Variants in AZIN2 observed in about 807,000 individuals in gnomAD.
The protein encoded by AZIN2 is ODC antizyme inhibitor-2.
In AZIN2, 28 loss-of-function variants were observed where a neutral mutation model predicts 47.8. The observed-to-expected ratio is 0.59, with a 90% confidence interval of 0.43 to 0.80. The LOEUF is 0.80. Among genes scored for constraint, AZIN2 ranks in the 30% least tolerant of loss-of-function variants. The pLI, the probability that AZIN2 is intolerant of heterozygous loss-of-function variation, is 0.00. For missense variants in AZIN2, 535 were observed against 582.5 expected, an observed-to-expected ratio of 0.92 and a Z score of 0.84; for synonymous variants, 221 against 239.4, an observed-to-expected ratio of 0.92 and a Z score of 0.71.
At chr1:33,126,000 TCAAA>T (rs1355252704), downstream of AZIN2, among the ~76,000 whole-genome samples, 4 of 152,130 alleles carry the variant, frequency 2.6e-5, no homozygotes, top group African/African-American at 7.2e-5. Flanking sequence ...CATCTCTAAA[TCAAA>T]CAAACAAAAA....
At chr1:33,083,699 G>A (rs1641544306) in intron 4 of AZIN2, 2 of 535,626 alleles carry the variant, frequency 3.7e-6, no homozygotes, top group African/African-American at 1.9e-5. Flanking sequence ...GTTTGAAGGT[G>A]GGAAAATGAT....
Position 33,084,159 on chromosome 1 carries a change from C to T in AZIN2, c.279+32C>T, listed in dbSNP as rs145663948. 1.0e-3 allele frequency: 1,596 copies of T among 1,601,824 alleles called. 4 individuals carry two copies. The highest frequency in any genetic ancestry group is 1.7e-3 in the Admixed American group (102 of 59,972). ...CCTGCCCGCACGGTGCACTGACCCT[C>T]CATGCCCACTGAACACACACATGGC... On this transcript the variant is annotated intron_variant, in intron 5 of 11. Coordinates refer to ENST00000294517, the MANE Select transcript of AZIN2 (RefSeq NM_052998.4).
chr1:33,159,246 C>T, the AZIN2 span, among the ~76,000 whole-genome samples: 4 of 151,508 alleles, frequency 2.6e-5, no homozygotes, highest in Admixed American at 1.3e-4. This position sits in a 1 kb window ranked among gnomAD's most constrained non-coding sequence, Gnocchi z 4.2. Flanking sequence ...TATAGTAACA[C>T]GTAATGCCAA....
At chr1:33,085,254 TAAAG>T (rs989293536) in intron 5 of AZIN2, among the ~76,000 whole-genome samples, 6 of 148,328 alleles carry the variant, frequency 4.0e-5, no homozygotes, top group African/African-American at 1.5e-4. Context: ...AAAGATGAAA[TAAAG>T]AAAATATTTA....
At chr1:33,109,614 T>C (rs78077336) in intron 10 of AZIN2, among the ~76,000 whole-genome samples, 2,897 of 152,076 alleles carry the variant, frequency 0.019, 76 homozygotes, top group East Asian at 0.08. Flanking sequence ...CAGGTGTGAG[T>C]CACCACGCCT....
chr1:33,140,634 A>G, the AZIN2 span, among the ~76,000 whole-genome samples: 3 of 152,232 alleles, frequency 2.0e-5, no homozygotes, highest in Non-Finnish European at 2.9e-5. This position sits in a 1 kb window ranked among gnomAD's most constrained non-coding sequence, Gnocchi z 4.0. Context: ...CATCAGTCCC[A>G]ATGCTTTCAC....
At chr1:33,147,380 C>T in the AZIN2 span, 19 of 1,614,148 alleles carry the variant, frequency 1.2e-5, no homozygotes, top group South Asian at 6.6e-5. This position sits in a 1 kb window ranked among gnomAD's most constrained non-coding sequence, Gnocchi z 8.1. Context: ...TTGTCCCGGA[C>T]GTTAAGCCGC....
chr1:33,114,340 A>AT lies in AZIN2; in HGVS notation c.1030-3553dup, dbSNP rs200212145. On this transcript the variant is annotated intron_variant, in intron 10 of 11. Coordinates refer to ENST00000294517, the MANE Select transcript of AZIN2 (RefSeq NM_052998.4). ...TTTACCATGTTGGCCAGACTGGATG[A>AT]TTTTTTTTTCTTTTCTTTTTTTTTT... is the stretch of plus-strand genomic sequence containing the variant. Among the ~76,000 whole-genome samples, 356 of 120,256 alleles carry AT rather than the reference A, an allele frequency of 3.0e-3. 4 individuals are homozygous for AT. Among genetic ancestry groups the AT allele is most frequent in the African/African-American group, 0.011 (333 of 30,524 alleles). 78.9% of individuals were successfully genotyped at this position (120,256 alleles called of 152,430 possible).
intron 5 of AZIN2, among the ~76,000 whole-genome samples, chr1:33,086,733 C>A (rs1449186780): frequency 6.6e-6 from 1 of 152,220 alleles, no homozygotes; most frequent in Admixed American, 6.5e-5. Context: ...CTCTCCTGTC[C>A]CAATCGCTTG....
At chr1:33,161,616 G>A in the AZIN2 span, among the ~76,000 whole-genome samples, 2 of 152,172 alleles carry the variant, frequency 1.3e-5, no homozygotes, top group South Asian at 4.1e-4. The surrounding 1 kb of genome is among the most constrained non-coding windows in gnomAD (Gnocchi z 4.3). Flanking sequence ...GTCTGGGGAT[G>A]CACGGCCAGG....
the AZIN2 span, chr1:33,165,565 C>T: frequency 1.2e-6 from 2 of 1,605,120 alleles, no homozygotes; most frequent in Non-Finnish European, 1.7e-6. This position sits in a 1 kb window ranked among gnomAD's most constrained non-coding sequence, Gnocchi z 4.0. Flanking sequence ...CTTCAGCTCC[C>T]TCTGAAACAC....
Position 33,093,313 on chromosome 1 carries a change from C to T in AZIN2, c.484C>T (p.His162Tyr), listed in dbSNP as rs1642780923. Residue 162 changes from histidine (H) to tyrosine (Y), a missense_variant, in exon 7 of 12, where the codon CAC (histidine) becomes TAC (tyrosine). His to Tyr is a moderately conservative substitution (Grantham distance 83, BLOSUM62 2). Around this residue, in one of 3 missense-constraint regions of AZIN2, gnomAD observed 409 missense variants for 429.0 expected, o/e 0.95. Coordinates refer to ENST00000294517, the MANE Select transcript of AZIN2 (RefSeq NM_052998.4). ...TCTGTGCATTGCTACCGATGACTCC[C>T]ACTCCCTGAGCTGCCTGAGCCTAAA... ...MVLCIATDDSHSLSCLSLKFG... is the reference protein window; with the variant it reads ...MVLCIATDDSYSLSCLSLKFG... 2.5e-6 allele frequency: 4 copies of T among 1,614,068 alleles called. No homozygotes were observed. Among genetic ancestry groups the T allele is most frequent in the Non-Finnish European group, 3.4e-6 (4 of 1,179,988 alleles).
At chr1:33,086,305 G>T (rs1641891994) in intron 5 of AZIN2, among the ~76,000 whole-genome samples, 1 of 152,168 alleles carries the variant, frequency 6.6e-6, no homozygotes, top group Non-Finnish European at 1.5e-5. Flanking sequence ...TCCGCATCAG[G>T]GTGGTGGCAG....
At chr1:33,134,435 T>C in the AZIN2 span, among the ~76,000 whole-genome samples, 1 of 152,200 alleles carries the variant, frequency 6.6e-6, no homozygotes, top group Non-Finnish European at 1.5e-5. Flanking sequence ...CCAATAATAC[T>C]GCCTCTGTTT....
the AZIN2 span, among the ~76,000 whole-genome samples, chr1:33,162,356 C>T: frequency 6.6e-6 from 1 of 152,226 alleles, no homozygotes; most frequent in South Asian, 2.1e-4. Context: ...CCTGCAAGAC[C>T]TAGCTTGAAA....
downstream of AZIN2, among the ~76,000 whole-genome samples, chr1:33,126,711 A>AC (rs58929138): frequency 0.032 from 4,911 of 151,760 alleles, 132 homozygotes; most frequent in Non-Finnish European, 0.045. Context: ...GGCACGTAGG[A>AC]CCCCCCCAAT....
the AZIN2 span, chr1:33,159,647 G>A: frequency 6.3e-7 from 1 of 1,580,300 alleles, no homozygotes; most frequent in Non-Finnish European, 8.6e-7. The surrounding 1 kb of genome is among the most constrained non-coding windows in gnomAD (Gnocchi z 4.2). Flanking sequence ...GGTCGAGGAG[G>A]GGATGGTCAG....
At chr1:33,087,571 G>GGATTACAGGTGCCTACCACCAT (rs1553159390) in intron 5 of AZIN2, among the ~76,000 whole-genome samples, 1 of 151,630 alleles carries the variant, frequency 6.6e-6, no homozygotes, top group Non-Finnish European at 1.5e-5. Context: ...TGAGCAGCTG[G>GGATTACAGGTGCCTACCACCAT]GATTACAGGT....
intron 8 of AZIN2, 151 bp downstream of exon 8, chr1:33,094,864 C>T (rs540296926): frequency 1.2e-5 from 10 of 863,586 alleles, no homozygotes; most frequent in Non-Finnish European, 1.6e-5. Flanking sequence ...CTTATTAACC[C>T]TGTGCTACAG....
Sources: gnomAD v4.1 joint callset for allele counts (sites outside exome capture counted in the v4.1 genomes callset) on GRCh38, gnomAD v4.1.1 for gene constraint, gnomAD v4.1.1 regional missense constraint, Gnocchi (gnomAD v3.1) non-coding constraint, MANE v1.5 for transcripts, NCBI Gene and HGNC (gene_info 2026-07-23, HGNC 2026-07-21) for gene names.